The following FETUB variants were observed in gnomAD, a reference collection of about 807,000 sequenced individuals.
FETUB encodes the protein fetuin-B.
In FETUB, 28 loss-of-function variants were observed where a neutral mutation model predicts 30.9. That is an observed-to-expected ratio of 0.90 (90% CI 0.67 to 1.24). FETUB has a LOEUF of 1.24. FETUB is among the 50% of genes most tolerant of loss of function. The pLI is 0.00. For synonymous variants in FETUB, 186 were observed against 175.9 expected (o/e 1.06, Z -0.45); for missense variants, 469 against 455.3 (o/e 1.03, Z -0.27).
At position 186,640,495 on chromosome 3, in the gene FETUB, T is replaced by C. The variant is rs1266900650; in HGVS notation, c.35T>C (p.Leu12Pro). Reference sequence around the variant, plus strand: ...CTCCTTCCCCTGGCACTCTGCATCCTAGTCCTGTGCTGCGGAGCAATGTCT... The same window carrying C: ...CTCCTTCCCCTGGCACTCTGCATCCCAGTCCTGTGCTGCGGAGCAATGTCT... ...GLLLPLALCI[L>P]VLCCGAMSPP... Residue 12 changes from leucine to proline, a missense_variant, in exon 1 of 7, where the codon CTA becomes CCA. By Grantham distance (98) the Leu-to-Pro change is moderately conservative (BLOSUM62 -3). Coordinates refer to ENST00000265029, the MANE Select transcript of FETUB (RefSeq NM_014375.3). 1 of 1,614,204 alleles carries C rather than the reference T, an allele frequency of 6.2e-7. No individual in the cohort carries two copies. The highest frequency in any genetic ancestry group is 8.5e-7 in the Non-Finnish European group (1 of 1,180,018).
At chr3:186,646,665 C>G (rs1717572617) in intron 5 of FETUB, among the ~76,000 whole-genome samples, 1 of 152,176 alleles carries the variant, frequency 6.6e-6, no homozygotes, top group Non-Finnish European at 1.5e-5. Flanking sequence ...TTGGACCACT[C>G]TTTAAGAAGG....
chr3:186,640,963 T>G, intron 1 of FETUB, 67 bp from the exon 2 acceptor site: 1 of 1,034,512 alleles, frequency 9.7e-7, no homozygotes, highest in Non-Finnish European at 1.5e-6. Context: ...CAGGGGTTTT[T>G]TTGTGTGGTC....
At chr3:186,639,708 C>G (rs1716899143), upstream of FETUB, among the ~76,000 whole-genome samples, 1 of 151,168 alleles carries the variant, frequency 6.6e-6, no homozygotes, top group East Asian at 1.9e-4. Flanking sequence ...TGTTGCCACC[C>G]ACCTGCCCTT....
At chr3:186,651,696 C>A in intron 6 of FETUB, 1 of 205,594 alleles carries the variant, frequency 4.9e-6, no homozygotes, top group Non-Finnish European at 9.9e-6. Flanking sequence ...ATTTGAGAGG[C>A]AGTTTATATT....
intron 3 of FETUB, among the ~76,000 whole-genome samples, chr3:186,643,135 C>T (rs1403242897): frequency 2.0e-5 from 3 of 152,170 alleles, no homozygotes; most frequent in Non-Finnish European, 4.4e-5. Flanking sequence ...ACTCAGGGAA[C>T]ACATAATGCA....
chr3:186,652,292 T>C lies in FETUB; in HGVS notation c.810T>C (p.Ala270=). ...CAGCCACTGGAAGTGAAAACTCTGCTGTTAACCAGAAACCTACAAACCTTC... is the reference window on the plus strand; with the variant it reads ...CAGCCACTGGAAGTGAAAACTCTGCCGTTAACCAGAAACCTACAAACCTTC... ...QAPATGSENS[A]VNQKPTNLPK... is the part of the protein sequence containing the mutation. Residue 270 remains alanine (A), a synonymous_variant, in exon 7 of 7, where the codon GCT becomes GCC. Coordinates refer to ENST00000265029, the MANE Select transcript of FETUB (RefSeq NM_014375.3). 1.9e-6 allele frequency: 3 copies of C among 1,562,186 alleles called. No individual in the cohort carries two copies. The highest frequency in any genetic ancestry group is 1.2e-5 in the South Asian group (1 of 80,680).
At chr3:186,641,814 T>C (rs1442915663) in intron 2 of FETUB, 1 of 152,318 alleles carries the variant, frequency 6.6e-6, no homozygotes, top group Non-Finnish European at 1.5e-5. Context: ...AACTATTTGA[T>C]CAAGATATTT....
upstream of FETUB, among the ~76,000 whole-genome samples, chr3:186,636,427 C>T (rs146561880): frequency 7.2e-5 from 11 of 152,266 alleles, no homozygotes; most frequent in East Asian, 1.5e-3. Context: ...TGATGAGTGG[C>T]GGAGCTGGGA....
chr3:186,651,379 C>A, intron 6 of FETUB, 78 bp downstream of exon 6: 1 of 967,240 alleles, frequency 1.0e-6, no homozygotes, highest in Non-Finnish European at 1.6e-6. Context: ...ACCTTACCCC[C>A]TCCTTTGATT....
intron 5 of FETUB, among the ~76,000 whole-genome samples, chr3:186,650,726 T>C (rs954056424): frequency 6.6e-6 from 1 of 152,192 alleles, no homozygotes; most frequent in African/African-American, 2.4e-5. Context: ...GGTCTTTATT[T>C]TCTTTTGTTT....
At position 186,652,206 on chromosome 3, in the gene FETUB, T is replaced by G; in HGVS notation, c.781-57T>G. The G allele has an allele frequency of 2.0e-6, 3 of 1,515,914 alleles. No individual in the cohort carries two copies. The South Asian group carries it at 4.1e-5, about 21-fold the overall frequency. The allele number at this position is 1,515,914 out of a possible 1,614,324, so 93.9% of individuals were successfully genotyped here. On this transcript the variant is annotated intron_variant, in intron 6 of 6. Coordinates refer to ENST00000265029, the MANE Select transcript of FETUB (RefSeq NM_014375.3). ...GGCACAGATCAGCTTAGGCTGGTAC[T>G]AGGCATGGGAGGACTTTCCCTGTGG...
At chr3:186,648,452 C>T (rs1286216360) in intron 5 of FETUB, among the ~76,000 whole-genome samples, 1 of 152,150 alleles carries the variant, frequency 6.6e-6, no homozygotes, top group African/African-American at 2.4e-5. Context: ...TCTTCTTGTT[C>T]AAGATTGCTT....
chr3:186,643,331 G>A (rs1717226304), intron 3 of FETUB, among the ~76,000 whole-genome samples: 1 of 152,114 alleles, frequency 6.6e-6, no homozygotes, highest in Admixed American at 6.5e-5. Context: ...ATTCATTTGG[G>A]ACCTTCCTTT....
At chr3:186,647,230 ATTG>A (rs1717621298) in intron 5 of FETUB, 1 of 152,180 alleles carries the variant, frequency 6.6e-6, no homozygotes, top group Non-Finnish European at 1.5e-5. Flanking sequence ...TTGCATAGAT[ATTG>A]TTTATTGTTT....
chr3:186,640,002 C>T (rs946929239), upstream of FETUB, among the ~76,000 whole-genome samples: 3 of 152,174 alleles, frequency 2.0e-5, no homozygotes, highest in African/African-American at 7.2e-5. Flanking sequence ...GGGCTTTGCA[C>T]ACAGAGTGTC....
In FETUB at chr3:186,646,345, C is replaced by A; in HGVS notation, c.692C>A (p.Ser231Tyr). 6.2e-7 allele frequency: 1 copy of A among 1,609,270 alleles called. No individual in the cohort carries two copies. The highest frequency in any genetic ancestry group is 1.1e-5 in the South Asian group (1 of 90,976). The change falls in exon 5 of 7, where the codon TCT becomes TAT. Residue 231 changes from serine (S) to tyrosine (Y), a missense_variant. Coordinates refer to ENST00000265029, the MANE Select transcript of FETUB (RefSeq NM_014375.3). ...ASSCSLQSSD[S>Y]VPVGLCKGSL... is the part of the protein sequence containing the mutation. ...AGCTGTTCACTTCAGTCCTCCGACT[C>A]TGTGGTGAGTTTTCCTGAATGTCTT...
Position 186,641,089 on chromosome 3 carries a change from G to A in FETUB, c.285G>A (p.Val95=). 7 of 1,613,964 alleles carry A rather than the reference G, an allele frequency of 4.3e-6. No homozygotes were observed. The highest frequency in any genetic ancestry group is 5.9e-6 in the Non-Finnish European group (7 of 1,179,890). The change falls in exon 2 of 7, where the codon GTG becomes GTA. Residue 95 remains valine (V), a synonymous_variant. Transcript: ENST00000265029. The part of the protein sequence containing the change: ...TLDVLETDCH[V]LRKKAWQDCG... ...ATGTGCTAGAGACTGACTGCCATGT[G>A]CTCAGAAAGAAGGCATGGCAAGACT...
chr3:186,649,771 C>T (rs1717849779), intron 5 of FETUB, among the ~76,000 whole-genome samples: 1 of 152,160 alleles, frequency 6.6e-6, no homozygotes, highest in Non-Finnish European at 1.5e-5. Flanking sequence ...GCGCCCAGCT[C>T]AGGATGATAT....
chr3:186,640,737 G>C, intron 1 of FETUB, 52 bp downstream of exon 1: 1 of 1,475,778 alleles, frequency 6.8e-7, no homozygotes, highest in Non-Finnish European at 9.5e-7. Context: ...AAGCTGGAGA[G>C]ACTGGCCAGG....
Sources: gnomAD v4.1 joint callset for allele counts (sites outside exome capture counted in the v4.1 genomes callset) on GRCh38, gnomAD v4.1.1 for gene constraint, MANE v1.5 for transcripts, NCBI Gene and HGNC (gene_info 2026-07-23, HGNC 2026-07-21) for gene names.